COL22A1: variants seen among roughly 807,000 people sequenced by gnomAD.
COL22A1 encodes collagen alpha-1(XXII) chain.
A neutral mutation model predicts 248.9 loss-of-function variants in COL22A1; 221 were observed. The observed-to-expected ratio is 0.89, with a 90% CI of 0.80 to 0.99. COL22A1 has a LOEUF of 0.99. COL22A1 is among the 50% of genes least tolerant of loss of function. The probability of loss-of-function intolerance (pLI) is 0.00; values close to 1 mark genes in which losing one functional copy is unlikely to be tolerated. For missense variants in COL22A1, 2,240 were observed against 2,179.0 expected (o/e 1.03, Z -0.56); for synonymous variants, 891 against 793.4 (o/e 1.12, Z -2.07).
chr8:138,662,324 T>G (rs563958724), intron 42 of COL22A1, among the ~76,000 whole-genome samples: 4 of 152,252 alleles, frequency 2.6e-5, no homozygotes, highest in African/African-American at 7.2e-5. Context: ...CCTGACAACT[T>G]GGACCCCATT....
At chr8:138,595,822 T>A (rs770206989) in intron 62 of COL22A1, among the ~76,000 whole-genome samples, 1 of 152,096 alleles carries the variant, frequency 6.6e-6, no homozygotes, top group Non-Finnish European at 1.5e-5. Flanking sequence ...CCTTTTGTCC[T>A]TGTGCTCCTG....
chr8:138,621,064 C>A (rs541626116), intron 52 of COL22A1, among the ~76,000 whole-genome samples: 108 of 152,158 alleles, frequency 7.1e-4, no homozygotes, highest in Non-Finnish European at 1.2e-3. Flanking sequence ...CCATTTGTGC[C>A]CCTCCCATAT....
At chr8:138,773,167 C>G (rs1834531797) in intron 16 of COL22A1, among the ~76,000 whole-genome samples, 1 of 152,180 alleles carries the variant, frequency 6.6e-6, no homozygotes, top group Admixed American at 6.5e-5. Context: ...AACAGTGAAC[C>G]CAGATGAGGC....
intron 22 of COL22A1, among the ~76,000 whole-genome samples, chr8:138,748,714 C>T (rs1832337867): frequency 6.6e-6 from 1 of 152,184 alleles, no homozygotes; most frequent in Non-Finnish European, 1.5e-5. Flanking sequence ...ATTTCCAAGG[C>T]CTGTGGGTTG....
intron 1 of COL22A1, among the ~76,000 whole-genome samples, chr8:138,901,362 T>TC (rs1343651689): frequency 2.1e-5 from 2 of 95,478 alleles, no homozygotes; most frequent in Admixed American, 1.3e-4. Flanking sequence ...TGGCAGGTTT[T>TC]TTTTTTGTTT....
At position 138,594,045 on chromosome 8, in the gene COL22A1, T is replaced by A; in HGVS notation, c.4587A>T (p.Glu1529Asp). The A allele has an allele frequency of 6.3e-7, 1 of 1,588,752 alleles. No individual in the cohort carries two copies. Among genetic ancestry groups the A allele is most frequent in the Non-Finnish European group, 8.5e-7 (1 of 1,171,884 alleles). ...TGGGACCTATGGGTCCAGAGGGTCC[T>A]TCCAGACCCCCCTGCCCAGGACGAC... ...EPGRPGQGGL[E>D]GPSGPIGPKG... Residue 1529 changes from glutamate to aspartate, a missense_variant, in exon 63 of 65, where the codon GAA becomes GAT. Coordinates refer to ENST00000303045, the MANE Select transcript of COL22A1 (RefSeq NM_152888.3).
At chr8:138,906,369 C>A (rs199825612) in intron 1 of COL22A1, among the ~76,000 whole-genome samples, 35 of 143,958 alleles carry the variant, frequency 2.4e-4, no homozygotes, top group Non-Finnish European at 2.4e-4. Context: ...GACTCCGTCT[C>A]AAAAAAAAAA....
chr8:138,599,426 C>T (rs1046166933), intron 60 of COL22A1, among the ~76,000 whole-genome samples: 1 of 152,128 alleles, frequency 6.6e-6, no homozygotes, highest in African/African-American at 2.4e-5. Flanking sequence ...TTGCAGTGAG[C>T]CAAGATCGCA....
chr8:138,591,105 A>C (rs1359114104), intron 64 of COL22A1, among the ~76,000 whole-genome samples: 1 of 152,230 alleles, frequency 6.6e-6, no homozygotes, highest in African/African-American at 2.4e-5. Context: ...GAAATGTCTG[A>C]AAGAGAAACA....
intron 3 of COL22A1, among the ~76,000 whole-genome samples, chr8:138,858,832 G>T (rs117885508): frequency 0.01 from 1,584 of 152,260 alleles, 17 homozygotes; most frequent in Non-Finnish European, 0.017. Flanking sequence ...GTGGCACATC[G>T]CAAGTGTATC....
intron 28 of COL22A1, among the ~76,000 whole-genome samples, 174 bp downstream of exon 28, chr8:138,716,651 C>T (rs1405078665): frequency 6.6e-6 from 1 of 152,178 alleles, no homozygotes; most frequent in African/African-American, 2.4e-5. Flanking sequence ...CTGCAGGCCA[C>T]CACTCGTGAC....
At chr8:138,598,604 T>A in intron 61 of COL22A1, 115 bp downstream of exon 61, 1 of 1,008,214 alleles carries the variant, frequency 9.9e-7, no homozygotes, top group Non-Finnish European at 1.5e-6. Context: ...GGTCATACCT[T>A]CAGTCACTAG....
rs543083183 is a variant in COL22A1 at position 138,826,334 on chromosome 8, C to T, written c.969+324G>A. On this transcript the variant is annotated intron_variant, in intron 6 of 64. Transcript: ENST00000303045. ...CACTGCATCACGAAGCTGGGTCACT[C>T]ATGCTGCCAATATAGGTGTCACAGG... Among the ~76,000 whole-genome samples, 69 of 152,198 alleles carry T rather than the reference C, an allele frequency of 4.5e-4. 1 individual carries two copies. The highest frequency in any genetic ancestry group is 1.6e-3 in the African/African-American group (66 of 41,460).
intron 46 of COL22A1, among the ~76,000 whole-genome samples, chr8:138,647,045 T>C (rs770745281): frequency 2.6e-5 from 4 of 152,136 alleles, no homozygotes; most frequent in South Asian, 2.1e-4. Flanking sequence ...CTTGCTGAGA[T>C]TAGAGTATAA....
chr8:138,902,790 A>G (rs1390517197), intron 1 of COL22A1, among the ~76,000 whole-genome samples: 1 of 147,532 alleles, frequency 6.8e-6, no homozygotes, highest in African/African-American at 2.5e-5. Context: ...ACACACTAGA[A>G]CTGACTGGGC....
chr8:138,716,993 C>T (rs1044592845), intron 27 of COL22A1, 124 bp from the exon 28 acceptor site: 28 of 771,952 alleles, frequency 3.6e-5, no homozygotes, highest in Middle Eastern at 2.3e-4. Context: ...TTCAAATATA[C>T]GGCATGGTTA....
At chr8:138,881,845 G>A (rs1179988713) in intron 2 of COL22A1, among the ~76,000 whole-genome samples, 1 of 152,130 alleles carries the variant, frequency 6.6e-6, no homozygotes, top group Non-Finnish European at 1.5e-5. Context: ...TCTATGCCGG[G>A]GTTGTGGACC....
At chr8:138,857,133 A>C (rs1822094624) in intron 3 of COL22A1, among the ~76,000 whole-genome samples, 2 of 150,086 alleles carry the variant, frequency 1.3e-5, no homozygotes, top group South Asian at 2.1e-4. Flanking sequence ...GCCTCTGCCC[A>C]CGCCTGCCCC....
At chr8:138,661,645 A>G (rs1222498776) in intron 43 of COL22A1, among the ~76,000 whole-genome samples, 1 of 152,166 alleles carries the variant, frequency 6.6e-6, no homozygotes, top group Non-Finnish European at 1.5e-5. Flanking sequence ...ACATCTGCGG[A>G]ATTCCATGGA....
Sources: allele counts gnomAD v4.1 joint callset (sites outside exome capture counted in the v4.1 genomes callset), GRCh38; gene constraint gnomAD v4.1.1; transcripts MANE v1.5; gene names NCBI Gene and HGNC (gene_info 2026-07-23, HGNC 2026-07-21).